RALGPS2: variants seen among roughly 807,000 people sequenced by gnomAD.
RALGPS2 encodes the protein ras-specific guanine nucleotide-releasing factor RalGPS2.
RALGPS2 carries 43 observed loss-of-function variants against 86.8 expected under a neutral mutation model. That is an observed-to-expected ratio of 0.50 (90% confidence interval 0.39 to 0.64). The LOEUF (loss-of-function observed/expected upper bound fraction) is 0.64, where lower values mean the gene tolerates loss of function less well. Among genes scored for constraint, RALGPS2 ranks in the 30% least tolerant of loss-of-function variants. The pLI is 0.00. For missense variants in RALGPS2, 536 were observed against 694.6 expected (o/e 0.77, Z 2.57); for synonymous variants, 243 against 231.3 (o/e 1.05, Z -0.46).
chr1:178,829,955 G>T (rs1202066560), intron 7 of RALGPS2, among the ~76,000 whole-genome samples: 3 of 152,008 alleles, frequency 2.0e-5, no homozygotes, highest in Non-Finnish European at 4.4e-5. Context: ...TTGTTGGCCA[G>T]GCTGGTCTCG....
intron 8 of RALGPS2, chr1:178,865,469 T>A: frequency 6.2e-7 from 1 of 1,614,102 alleles, no homozygotes; most frequent in Non-Finnish European, 8.5e-7. Flanking sequence ...CACCACCAGT[T>A]GCAGAACATC....
intron 4 of RALGPS2, among the ~76,000 whole-genome samples, chr1:178,787,889 A>T (rs1224027667): frequency 6.6e-6 from 1 of 152,186 alleles, no homozygotes; most frequent in Admixed American, 6.5e-5. Context: ...TTTACCCAGT[A>T]GCCATGGTAA....
intron 1 of RALGPS2, among the ~76,000 whole-genome samples, chr1:178,742,318 T>G (rs1403639604): frequency 6.6e-6 from 1 of 152,084 alleles, no homozygotes; most frequent in Admixed American, 6.6e-5. Flanking sequence ...GTGGCTATAT[T>G]AATATTGGAC....
At chr1:178,727,514 A>G (rs1650093684) in intron 1 of RALGPS2, among the ~76,000 whole-genome samples, 1 of 152,230 alleles carries the variant, frequency 6.6e-6, no homozygotes, top group Admixed American at 6.5e-5. Flanking sequence ...TGCTTTTCTA[A>G]TATTTATTAG....
At chr1:178,848,279 C>T (rs143667208) in intron 8 of RALGPS2, among the ~76,000 whole-genome samples, 6,040 of 152,122 alleles carry the variant, frequency 0.04, 162 homozygotes, top group African/African-American at 0.068. Flanking sequence ...CCACTGCACT[C>T]CAGCCTGGGT....
At chr1:178,874,792 A>G (rs958126446) in intron 8 of RALGPS2, among the ~76,000 whole-genome samples, 1 of 152,096 alleles carries the variant, frequency 6.6e-6, no homozygotes, top group Admixed American at 6.6e-5. Flanking sequence ...ACATGTGTTG[A>G]TAATTTTTTC....
At chr1:178,840,215 G>C (rs1294404291) in intron 8 of RALGPS2, among the ~76,000 whole-genome samples, 1 of 152,026 alleles carries the variant, frequency 6.6e-6, no homozygotes, top group Non-Finnish European at 1.5e-5. Flanking sequence ...TCAGCACCAT[G>C]TTGCACTTAT....
intron 4 of RALGPS2, among the ~76,000 whole-genome samples, chr1:178,801,591 T>G (rs1654481256): frequency 6.6e-6 from 1 of 152,168 alleles, no homozygotes; most frequent in Admixed American, 6.6e-5. Context: ...TTTTGGAAAG[T>G]CCGTCCAATT....
rs546269921 is a variant in RALGPS2, at chr1:178,844,978, G to A, written c.607+11428G>A. 1.3e-4 allele frequency among the ~76,000 whole-genome samples: 20 copies of A among 151,700 alleles called. No homozygotes were observed. The South Asian group carries it at 2.5e-3, about 19-fold the overall frequency. On this transcript the variant is annotated intron_variant, in intron 8 of 19. Transcript: ENST00000367635. ...GTGGATCACCTGAGGTCAGGAGTTC[G>A]AGACCAGCCTGGCCAACATGGCAAA... is the stretch of plus-strand genomic sequence containing the variant.
intron 8 of RALGPS2, among the ~76,000 whole-genome samples, chr1:178,857,095 G>A (rs1657639230): frequency 1.3e-5 from 2 of 152,124 alleles, no homozygotes; most frequent in African/African-American, 4.8e-5. Flanking sequence ...CAGAAAAGAT[G>A]AAATTTACAG....
intron 4 of RALGPS2, among the ~76,000 whole-genome samples, chr1:178,802,337 A>G (rs931453046): frequency 9.2e-5 from 14 of 152,168 alleles, no homozygotes; most frequent in African/African-American, 3.1e-4. Context: ...ACCTCAGTCT[A>G]TGGTACATAT....
intron 16 of RALGPS2, among the ~76,000 whole-genome samples, chr1:178,896,045 G>A (rs1190634880): frequency 6.6e-6 from 1 of 151,988 alleles, no homozygotes. Context: ...ACAAAGAAGA[G>A]TATAAAGGAA....
chr1:178,750,761 C>T (rs879534794), intron 1 of RALGPS2, among the ~76,000 whole-genome samples: 14 of 152,056 alleles, frequency 9.2e-5, no homozygotes, highest in Admixed American at 4.6e-4. Flanking sequence ...GTCAAATGTC[C>T]GCATATGTTA....
intron 6 of RALGPS2, among the ~76,000 whole-genome samples, chr1:178,814,971 T>C: frequency 6.6e-6 from 1 of 152,218 alleles, no homozygotes; most frequent in East Asian, 1.9e-4. Flanking sequence ...TTTTCTATGT[T>C]GGCCATTTAG....
intron 18 of RALGPS2, among the ~76,000 whole-genome samples, chr1:178,902,435 T>C (rs903368696): frequency 1.2e-4 from 19 of 152,214 alleles, no homozygotes; most frequent in African/African-American, 4.6e-4. Context: ...TTTAATAATA[T>C]TTGTGGAGCT....
rs867258817 is a variant in RALGPS2, at chr1:178,778,739, T to C, written c.57+1918T>C. ...ATAAAAAATGATGAGTTCATGTCCTTTGTAGGGACATGGATGAAATTGGAA... is the reference window on the plus strand; with the variant it reads ...ATAAAAAATGATGAGTTCATGTCCTCTGTAGGGACATGGATGAAATTGGAA... On this transcript the variant is annotated intron_variant, in intron 2 of 19. Coordinates refer to ENST00000367635, the MANE Select transcript of RALGPS2 (RefSeq NM_152663.5). Among the ~76,000 whole-genome samples the C allele has an allele frequency of 1.7e-3, 250 of 147,984 alleles. 5 individuals are homozygous for C. The highest frequency in any genetic ancestry group is 6.8e-3 in the Middle Eastern group (2 of 292).
intron 4 of RALGPS2, among the ~76,000 whole-genome samples, chr1:178,806,873 G>A (rs984049884): frequency 2.6e-5 from 4 of 151,988 alleles, no homozygotes; most frequent in South Asian, 2.1e-4. Flanking sequence ...AACCTGTTTC[G>A]GACCTTGGAC....
chr1:178,814,208 C>G (rs1655123174), intron 6 of RALGPS2, among the ~76,000 whole-genome samples: 1 of 152,188 alleles, frequency 6.6e-6, no homozygotes, highest in Non-Finnish European at 1.5e-5. Context: ...TTTGTACTTT[C>G]ATAACTCAGC....
intron 4 of RALGPS2, among the ~76,000 whole-genome samples, chr1:178,788,338 T>C (rs1653771241): frequency 1.3e-5 from 2 of 152,194 alleles, no homozygotes; most frequent in African/African-American, 4.8e-5. Context: ...CTAGTTTAGT[T>C]GCTGAAGGTA....
Sources: allele counts gnomAD v4.1 joint callset (sites outside exome capture counted in the v4.1 genomes callset), GRCh38; gene constraint gnomAD v4.1.1; transcripts MANE v1.5; gene names NCBI Gene and HGNC (gene_info 2026-07-23, HGNC 2026-07-21).